SERPINB8: variants seen among roughly 807,000 people sequenced by gnomAD.
SERPINB8 encodes the protein serpin B8.
In SERPINB8, 25 loss-of-function variants were observed where a neutral mutation model predicts 35.3. The ratio of observed to expected loss-of-function variants is 0.71; its 90% CI spans 0.52 to 0.99. SERPINB8 has a LOEUF of 0.99. SERPINB8 is among the 50% of genes least tolerant of loss of function. SERPINB8 has a pLI of 0.00. For missense variants in SERPINB8, 484 were observed against 446.5 expected (o/e 1.08, Z -0.76); for synonymous variants, 186 against 160.8 (o/e 1.16, Z -1.19).
At chr18:64,002,215 C>T (rs758033376) in intron 1 of SERPINB8, among the ~76,000 whole-genome samples, 7 of 152,174 alleles carry the variant, frequency 4.6e-5, no homozygotes, top group Non-Finnish European at 8.8e-5. Flanking sequence ...ACACTTAGCA[C>T]CGTGGCTCCA....
intron 1 of SERPINB8, among the ~76,000 whole-genome samples, chr18:64,000,356 G>A (rs2144840663): frequency 6.6e-6 from 1 of 152,120 alleles, no homozygotes; most frequent in South Asian, 2.1e-4. Flanking sequence ...CCATGATAGG[G>A]TAGTCTTTGC....
chr18:63,995,030 C>T (rs145433323), intron 1 of SERPINB8, among the ~76,000 whole-genome samples: 4 of 152,102 alleles, frequency 2.6e-5, no homozygotes, highest in African/African-American at 9.7e-5. Context: ...GCTCTCTGAG[C>T]CTGATGATTC....
At chr18:64,000,631 C>T (rs756142575) in intron 1 of SERPINB8, among the ~76,000 whole-genome samples, 28 of 152,164 alleles carry the variant, frequency 1.8e-4, no homozygotes, top group Non-Finnish European at 2.8e-4. Flanking sequence ...ATTCAGAGGC[C>T]TCCTTATGGG....
intron 3 of SERPINB8, 52 bp downstream of exon 3, chr18:63,979,990 A>G (rs372763243): frequency 1.3e-4 from 208 of 1,560,484 alleles, no homozygotes; most frequent in Non-Finnish European, 1.7e-4. Flanking sequence ...AAGTTAGACT[A>G]CAGAAGAGCA....
rs778237670 is a variant in SERPINB8, at chr18:63,978,280, T to A, written c.-10-19T>A. ...AGTCATTGGCTTATGTGCTTTTCCC[T>A]GCTGTGCCTTTGATGCAGACCTTCT... On this transcript the variant is annotated intron_variant, in intron 1 of 6. Coordinates refer to ENST00000397985, the MANE Select transcript of SERPINB8 (RefSeq NM_002640.4). 7 of 1,613,964 alleles carry A rather than the reference T, an allele frequency of 4.3e-6. No homozygotes were observed. The South Asian group carries it at 7.7e-5, about 18-fold the overall frequency.
intron 1 of SERPINB8, among the ~76,000 whole-genome samples, chr18:64,003,741 A>G (rs572468878): frequency 6.6e-6 from 1 of 152,228 alleles, no homozygotes; most frequent in South Asian, 2.1e-4. Context: ...TGATGCTCCA[A>G]TTCCAGTGTC....
intron 1 of SERPINB8, among the ~76,000 whole-genome samples, chr18:63,995,639 G>A (rs1043062645): frequency 6.6e-6 from 1 of 152,192 alleles, no homozygotes; most frequent in African/African-American, 2.4e-5. Flanking sequence ...GTGGGACATG[G>A]GAAAGGCTGT....
At chr18:64,002,870 G>A (rs2050882715) in intron 1 of SERPINB8, among the ~76,000 whole-genome samples, 1 of 152,144 alleles carries the variant, frequency 6.6e-6, no homozygotes, top group South Asian at 2.1e-4. Context: ...GCCGCCGCCT[G>A]CGGTCGTGCC....
chr18:64,013,189 G>A (rs4941235), intron 7 of SERPINB8, among the ~76,000 whole-genome samples: 2,201 of 151,180 alleles, frequency 0.015, 57 homozygotes, highest in African/African-American at 0.051. Flanking sequence ...TCTTCCCCCC[G>A]CTCCAGTCAG....
At chr18:63,973,862 C>G (rs989225054) in intron 1 of SERPINB8, among the ~76,000 whole-genome samples, 1 of 152,204 alleles carries the variant, frequency 6.6e-6, no homozygotes, top group African/African-American at 2.4e-5. Flanking sequence ...GTTTTGGTAC[C>G]AGTACCATGC....
chr18:63,999,359 G>A (rs966108815), intron 1 of SERPINB8, among the ~76,000 whole-genome samples: 6 of 152,102 alleles, frequency 3.9e-5, no homozygotes, highest in South Asian at 4.1e-4. Context: ...TAACACACCC[G>A]GACCCAATGT....
At chr18:63,992,126 T>G (rs1372808698), downstream of SERPINB8, among the ~76,000 whole-genome samples, 1 of 152,212 alleles carries the variant, frequency 6.6e-6, no homozygotes, top group Non-Finnish European at 1.5e-5. Flanking sequence ...CTCACTTTGG[T>G]TTTAGGTAAT....
intron 4 of SERPINB8, among the ~76,000 whole-genome samples, chr18:63,982,343 C>T (rs1568274060): frequency 1.3e-5 from 2 of 152,214 alleles, no homozygotes; most frequent in Middle Eastern, 3.4e-3. Context: ...GGAGGTGCAG[C>T]GACATGGAGC....
rs1180914417 is a variant in SERPINB8 at position 63,988,800 on chromosome 18, A to G, written c.*1522A>G. ...CATGTTTTCCAAAGCAGGTTTGGGCAAAATTAATCCACAGGACTGAAAGGT... is the reference window on the plus strand; with the variant it reads ...CATGTTTTCCAAAGCAGGTTTGGGCGAAATTAATCCACAGGACTGAAAGGT... On this transcript the variant is annotated 3_prime_UTR_variant, in exon 7 of 7. Transcript: ENST00000397985. 2.0e-5 allele frequency: 3 copies of G among 152,252 alleles called. No individual in the cohort carries two copies. Among genetic ancestry groups the G allele is most frequent in the African/African-American group, 7.2e-5 (3 of 41,468 alleles). The allele number at this position is 152,252 out of a possible 1,614,324, so 9.4% of individuals were successfully genotyped here.
intron 7 of SERPINB8, among the ~76,000 whole-genome samples, chr18:64,011,324 A>G (rs764535847): frequency 4.8e-4 from 73 of 152,132 alleles, no homozygotes; most frequent in Non-Finnish European, 1.2e-4. Flanking sequence ...GTAGACTTCA[A>G]TGAAATAAAT....
chr18:63,987,301 C>T lies in SERPINB8; in HGVS notation c.*23C>T. On this transcript the variant is annotated 3_prime_UTR_variant, in exon 7 of 7. Coordinates refer to ENST00000397985, the MANE Select transcript of SERPINB8 (RefSeq NM_002640.4). ...TAAAGAGGAGCAATTGCTGTACATA[C>T]CCTCCTTTCCTTCTACCTATCTTGC... is the stretch of plus-strand genomic sequence containing the variant. 1 of 1,579,978 alleles carries T rather than the reference C, an allele frequency of 6.3e-7. No individual in the cohort carries two copies. The highest frequency in any genetic ancestry group is 2.2e-5 in the East Asian group (1 of 44,548).
intron 6 of SERPINB8, chr18:63,986,143 C>G: frequency 2.2e-6 from 2 of 904,168 alleles, no homozygotes; most frequent in Non-Finnish European, 3.5e-6. Context: ...GAGTCAAAAT[C>G]AAAACAATGC....
At chr18:63,978,688 T>TA (rs1176261334) in intron 2 of SERPINB8, among the ~76,000 whole-genome samples, 1 of 152,214 alleles carries the variant, frequency 6.6e-6, no homozygotes, top group East Asian at 1.9e-4. Flanking sequence ...AGTCAAGCCA[T>TA]AGAGTTATTT....
Position 63,979,801 on chromosome 18 carries a change from G to T in SERPINB8, c.169G>T (p.Ala57Ser), listed in dbSNP as rs893169698. 1 of 1,613,980 alleles carries T rather than the reference G, an allele frequency of 6.2e-7. No individual in the cohort carries two copies. Among genetic ancestry groups the T allele is most frequent in the East Asian group, 2.2e-5 (1 of 44,874 alleles). Residue 57 changes from alanine to serine, a missense_variant and splice_region_variant, in exon 3 of 7, where the codon GCA becomes TCA. Transcript: ENST00000397985. ...AGTCAGTGTTGGTTTCTGTTCCCAG[G>T]CACTTTGTTTATACAAAGACGGAGA... ...KGSTAAQMSQ[A>S]LCLYKDGDIH... is the part of the protein sequence containing the mutation.
Sources: allele counts gnomAD v4.1 joint callset (sites outside exome capture counted in the v4.1 genomes callset), GRCh38; gene constraint gnomAD v4.1.1; transcripts MANE v1.5; gene names NCBI Gene and HGNC (gene_info 2026-07-23, HGNC 2026-07-21).